The following LRMDA variants were observed in gnomAD, a reference collection of about 807,000 sequenced individuals.
The protein encoded by LRMDA is leucine rich melanocyte differentiation associated, also known as leucine-rich melanocyte differentiation-associated protein.
A neutral mutation model predicts 29.8 loss-of-function variants in LRMDA; 18 were observed. The ratio of observed to expected loss-of-function variants is 0.60; its 90% CI spans 0.42 to 0.90. The LOEUF (loss-of-function observed/expected upper bound fraction) is 0.90, where lower values mean the gene tolerates loss of function less well. LRMDA is among the 40% of genes least tolerant of loss of function. The pLI is 0.00. For synonymous variants in LRMDA, 125 were observed against 109.4 expected (o/e 1.14, Z -0.89); for missense variants, 273 against 273.9 (o/e 1.00, Z 0.02).
chr10:76,161,585 T>C (rs1850648400), intron 5 of LRMDA, among the ~76,000 whole-genome samples: 1 of 152,228 alleles, frequency 6.6e-6, no homozygotes, highest in Non-Finnish European at 1.5e-5. Context: ...ATATTTTCTT[T>C]TCCTACCAGG....
rs536368280 is a variant in LRMDA at position 75,739,513 on chromosome 10, T to C, written c.132-296495T>C. ...TTATGCAGAACAGGGTGCAAGAACCTGCGGAGAGAATGGCTACAGCTGTTC... is the reference window on the plus strand; with the variant it reads ...TTATGCAGAACAGGGTGCAAGAACCCGCGGAGAGAATGGCTACAGCTGTTC... On this transcript the variant is annotated intron_variant, in intron 2 of 6. Transcript: ENST00000611255. Among the ~76,000 whole-genome samples, 69 of 152,342 alleles carry C rather than the reference T, an allele frequency of 4.5e-4. 1 individual carries two copies. The highest frequency in any genetic ancestry group is 1.4e-3 in the Admixed American group (21 of 15,302).
chr10:75,826,296 C>G (rs548699053), intron 2 of LRMDA, among the ~76,000 whole-genome samples: 1 of 152,266 alleles, frequency 6.6e-6, no homozygotes, highest in African/African-American at 2.4e-5. Flanking sequence ...TAGTTAAGTG[C>G]AGGACTGGTG....
chr10:76,508,763 A>G (rs1020887642), intron 6 of LRMDA, among the ~76,000 whole-genome samples: 1 of 152,152 alleles, frequency 6.6e-6, no homozygotes, highest in East Asian at 1.9e-4. Flanking sequence ...GTTCTATTTT[A>G]TCTTCTCCCT....
At chr10:75,895,800 G>A (rs182780856) in intron 2 of LRMDA, among the ~76,000 whole-genome samples, 195 of 152,312 alleles carry the variant, frequency 1.3e-3, no homozygotes, top group African/African-American at 4.4e-3. Flanking sequence ...CATGGGAGAA[G>A]AGATAGCATA....
chr10:75,592,941 A>T (rs935792171), intron 2 of LRMDA, among the ~76,000 whole-genome samples: 3 of 152,046 alleles, frequency 2.0e-5, no homozygotes, highest in African/African-American at 7.2e-5. Flanking sequence ...ATTTCCTCTC[A>T]TGGAGACTAG....
intron 6 of LRMDA, among the ~76,000 whole-genome samples, chr10:76,418,872 T>A (rs1308920018): frequency 6.6e-6 from 1 of 152,120 alleles, no homozygotes; most frequent in Admixed American, 6.5e-5. Context: ...TTTGCTTTTC[T>A]CCTTTATTAT....
At position 75,449,016 on chromosome 10, in the gene LRMDA, G is replaced by A. The variant is rs544766502; in HGVS notation, c.131+10522G>A. 6.5e-4 allele frequency among the ~76,000 whole-genome samples: 99 copies of A among 152,222 alleles called. 1 individual carries two copies. The highest frequency in any genetic ancestry group is 4.1e-3 in the Admixed American group (62 of 15,284). On this transcript the variant is annotated intron_variant, in intron 2 of 6. Transcript: ENST00000611255. ...AAAATACAAAAATTAGCCAGGTGTGGTGGCATGCGCCTGTAATCCAAGCTA... is the reference window on the plus strand; with the variant it reads ...AAAATACAAAAATTAGCCAGGTGTGATGGCATGCGCCTGTAATCCAAGCTA...
chr10:75,709,918 G>A lies in LRMDA; in HGVS notation c.131+271424G>A, dbSNP rs112020632. On this transcript the variant is annotated intron_variant, in intron 2 of 6. Transcript: ENST00000611255. ...CCTTCATTAGAGAAGTAGGGAATTT[G>A]CTTAGCTCATATCACATTGTACAGG... Among the ~76,000 whole-genome samples the A allele has an allele frequency of 1.6e-3, 250 of 152,282 alleles. 3 individuals carry two copies. Among genetic ancestry groups the A allele is most frequent in the Middle Eastern group, 3.4e-3 (1 of 294 alleles).
chr10:75,816,824 C>T (rs1844069411), intron 2 of LRMDA, among the ~76,000 whole-genome samples: 1 of 152,172 alleles, frequency 6.6e-6, no homozygotes, highest in African/African-American at 2.4e-5. Context: ...CCCTCTTCAA[C>T]TTTTGGAGGT....
In LRMDA at chr10:76,557,541, A is replaced by G; in HGVS notation, c.*253A>G. 3.7e-6 allele frequency: 2 copies of G among 541,486 alleles called. No individual in the cohort carries two copies. The highest frequency in any genetic ancestry group is 6.6e-6 in the Non-Finnish European group (2 of 303,152). The allele number at this position is 541,486 out of a possible 1,614,324, so 33.5% of individuals were successfully genotyped here. A position where few individuals can be genotyped will look rare whatever the true frequency, so the allele number is the denominator to read the frequency against. ...GGTCTCATCCACCAGGGTGACAGAC[A>G]GCGGTGGCAAAGCAACAGGGCTGAC... On this transcript the variant is annotated 3_prime_UTR_variant, in exon 7 of 7. Coordinates refer to ENST00000611255, the MANE Select transcript of LRMDA (RefSeq NM_001305581.2).
chr10:75,931,774 G>A (rs1220246906), intron 2 of LRMDA, among the ~76,000 whole-genome samples: 1 of 152,202 alleles, frequency 6.6e-6, no homozygotes, highest in African/African-American at 2.4e-5. Flanking sequence ...TGCTTCTCTT[G>A]CTGGGGAAGT....
At chr10:76,145,927 T>A (rs570415231) in intron 5 of LRMDA, among the ~76,000 whole-genome samples, 1,976 of 151,324 alleles carry the variant, frequency 0.013, 34 homozygotes, top group African/African-American at 0.045. Context: ...CATCTTTATT[T>A]CTGCCTTCAT....
At position 75,808,189 on chromosome 10, in the gene LRMDA, A is replaced by G. The variant is rs142979484; in HGVS notation, c.132-227819A>G. ...ATGTCCCTGCCTTCTGGAGAAATAC[A>G]TATGTGTCTTTCATCTGGGAAATGT... On this transcript the variant is annotated intron_variant, in intron 2 of 6. Transcript: ENST00000611255. Among the ~76,000 whole-genome samples the G allele has an allele frequency of 1.5e-3, 232 of 152,278 alleles. 1 individual carries two copies. Among genetic ancestry groups the G allele is most frequent in the Admixed American group, 5.2e-3 (79 of 15,302 alleles).
rs372081708 is a variant in LRMDA, at chr10:76,133,480, C to T, written c.516+74697C>T. ...CTGCTTTCCTTCCCCAGAACCTTGCCCAGGAAACCCATGAATTCAGGCCCC... is the reference window on the plus strand; with the variant it reads ...CTGCTTTCCTTCCCCAGAACCTTGCTCAGGAAACCCATGAATTCAGGCCCC... On this transcript the variant is annotated intron_variant, in intron 5 of 6. Coordinates refer to ENST00000611255, the MANE Select transcript of LRMDA (RefSeq NM_001305581.2). 7.2e-5 allele frequency among the ~76,000 whole-genome samples: 11 copies of T among 152,222 alleles called. No homozygotes were observed. The South Asian group carries it at 1.5e-3, about 20-fold the overall frequency.
At chr10:76,101,977 TTATAAA>T (rs1163620060) in intron 5 of LRMDA, among the ~76,000 whole-genome samples, 5 of 152,196 alleles carry the variant, frequency 3.3e-5, no homozygotes, top group Non-Finnish European at 5.9e-5. Context: ...CTTATAAATA[TTATAAA>T]TATGATTATG....
At chr10:76,514,897 T>C (rs1045969604) in intron 6 of LRMDA, among the ~76,000 whole-genome samples, 4 of 152,166 alleles carry the variant, frequency 2.6e-5, no homozygotes, top group African/African-American at 7.2e-5. Context: ...TCAAGTACAA[T>C]TGGTACTGAC....
rs918715416 is a variant in LRMDA at position 75,872,286 on chromosome 10, T to TTC, written c.132-163708_132-163707dup. Among the ~76,000 whole-genome samples the TTC allele has an allele frequency of 6.3e-4, 96 of 151,596 alleles. No homozygotes were observed. In the Middle Eastern group the frequency reaches 0.01, roughly 16 times the overall value. ...TTCTGGGGCCTTCTGATTCGTTCTA[T>TTC]TCTCTCTCTCTCTCTTTTTTTTTTT... On this transcript the variant is annotated intron_variant, in intron 2 of 6. Transcript: ENST00000611255.
chr10:75,796,276 G>A (rs1321882677), intron 2 of LRMDA, among the ~76,000 whole-genome samples: 4 of 152,160 alleles, frequency 2.6e-5, no homozygotes, highest in African/African-American at 7.2e-5. Flanking sequence ...GTATTAGAAG[G>A]AAAGTTTTTA....
At chr10:75,726,292 G>T (rs1842630314) in intron 2 of LRMDA, among the ~76,000 whole-genome samples, 1 of 152,186 alleles carries the variant, frequency 6.6e-6, no homozygotes, top group African/African-American at 2.4e-5. Flanking sequence ...AGATTGTTTT[G>T]CAGGTCTGGT....
Sources: allele counts gnomAD v4.1 joint callset (sites outside exome capture counted in the v4.1 genomes callset), GRCh38; gene constraint gnomAD v4.1.1; transcripts MANE v1.5; gene names NCBI Gene and HGNC (gene_info 2026-07-23, HGNC 2026-07-21).